DNAH17: variants seen among roughly 807,000 people sequenced by gnomAD.
The protein encoded by DNAH17 is axonemal beta dynein heavy chain 17.
In DNAH17, 376 loss-of-function variants were observed where a neutral mutation model predicts 485.6. The observed-to-expected ratio is 0.77, with a 90% CI of 0.71 to 0.84. DNAH17 has a LOEUF of 0.84. DNAH17 is among the 40% of genes least tolerant of loss of function. The pLI is 0.00. For synonymous variants in DNAH17, 3,031 were observed against 2,405.9 expected (o/e 1.26, Z -7.60); for missense variants, 6,370 against 5,839.3 (o/e 1.09, Z -2.96).
At chr17:78,535,738 G>T (rs1408153626) in intron 19 of DNAH17, among the ~76,000 whole-genome samples, 1 of 151,972 alleles carries the variant, frequency 6.6e-6, no homozygotes, top group Non-Finnish European at 1.5e-5. Flanking sequence ...ATTTTTGCTT[G>T]TTTAAGCAAA....
At chr17:78,568,396 T>TC (rs1409959481) in intron 9 of DNAH17, among the ~76,000 whole-genome samples, 1 of 152,208 alleles carries the variant, frequency 6.6e-6, no homozygotes, top group East Asian at 1.9e-4. Flanking sequence ...GACAATGGTG[T>TC]CCACCCTTAA....
At chr17:78,552,923 C>T (rs936590083) in intron 14 of DNAH17, 118 bp from the exon 15 acceptor site, 1 of 722,856 alleles carries the variant, frequency 1.4e-6, no homozygotes, top group East Asian at 2.5e-5. Flanking sequence ...TGTCCCCACT[C>T]AGGTCTCATG....
chr17:78,549,900 G>A (rs893953767), intron 16 of DNAH17, among the ~76,000 whole-genome samples: 1 of 152,238 alleles, frequency 6.6e-6, no homozygotes, highest in African/African-American at 2.4e-5. Context: ...TGAACGGCCT[G>A]GTTTCTGGAT....
intron 21 of DNAH17, 138 bp downstream of exon 21, chr17:78,530,205 G>A: frequency 1.0e-6 from 1 of 1,003,606 alleles, no homozygotes; most frequent in Non-Finnish European, 1.4e-6. Flanking sequence ...TGGTGGGGTA[G>A]TTGGCCTTGA....
intron 30 of DNAH17, 46 bp downstream of exon 30, chr17:78,506,673 TG>T: frequency 6.2e-7 from 1 of 1,612,284 alleles, no homozygotes; most frequent in African/African-American, 1.3e-5. Context: ...ACCTGGGGTC[TG>T]GCATGATGTT....
intron 55 of DNAH17, among the ~76,000 whole-genome samples, chr17:78,467,911 A>G (rs2088554649): frequency 6.6e-6 from 1 of 151,968 alleles, no homozygotes; most frequent in African/African-American, 2.4e-5. Flanking sequence ...CCAGCTACTC[A>G]GGAAGCTGAG....
chr17:78,560,865 G>A lies in DNAH17; in HGVS notation c.1906C>T (p.His636Tyr), dbSNP rs777018909. ...CACTGCTGGTAGATCTTCTCGCGGT[G>A]GCACCTCAGCAGCTCCATCATCTCG... ...YDEMMELLRC[H>Y]REKIYQQWVA... Residue 636 changes from histidine (H) to tyrosine (Y), a missense_variant, in exon 13 of 81, where the codon CAC becomes TAC. Physicochemically the swap from His to Tyr is moderately conservative, Grantham distance 83. Transcript: ENST00000389840. The A allele has an allele frequency of 2.6e-6, 4 of 1,551,752 alleles. No individual in the cohort carries two copies. Among genetic ancestry groups the A allele is most frequent in the South Asian group, 2.4e-5 (2 of 84,064 alleles).
At chr17:78,544,718 G>T (rs538800594) in intron 16 of DNAH17, among the ~76,000 whole-genome samples, 1 of 144,890 alleles carries the variant, frequency 6.9e-6, no homozygotes, top group Non-Finnish European at 1.5e-5. Context: ...GGAGAATGGC[G>T]TGAACCCGGG....
chr17:78,501,871 A>T lies in DNAH17; in HGVS notation c.5193T>A (p.Ile1731=). 6.2e-7 allele frequency: 1 copy of T among 1,614,014 alleles called. No homozygotes were observed. Among genetic ancestry groups the T allele is most frequent in the Non-Finnish European group, 8.5e-7 (1 of 1,179,890 alleles). ...NAIRDYNKKQ[I]SQLNVLITLL... is the part of the protein sequence containing the mutation. ...GCGTGATGAGTACGTTCAGCTGGCTAATCTGCGGGGGAGAGTGCCTTCGAT... is the reference window on the plus strand; with the variant it reads ...GCGTGATGAGTACGTTCAGCTGGCTTATCTGCGGGGGAGAGTGCCTTCGAT... Residue 1731 remains isoleucine, a splice_region_variant and synonymous_variant, in exon 34 of 81, where the codon ATT becomes ATA. Coordinates refer to ENST00000389840, the MANE Select transcript of DNAH17 (RefSeq NM_173628.4).
chr17:78,478,079 T>C (rs868728439), intron 51 of DNAH17, among the ~76,000 whole-genome samples: 1,023 of 57,000 alleles, frequency 0.018, 14 homozygotes, highest in African/African-American at 0.1. Flanking sequence ...ACCACCACCA[T>C]CATCACCATC....
At chr17:78,463,351 T>C (rs2088239489) in intron 56 of DNAH17, among the ~76,000 whole-genome samples, 1 of 152,156 alleles carries the variant, frequency 6.6e-6, no homozygotes. Flanking sequence ...CACACATGCA[T>C]ACACACACAC....
rs1456054777 is a variant in DNAH17 at position 78,459,202 on chromosome 17, G to A, written c.9660C>T (p.Tyr3220=). The A allele has an allele frequency of 6.2e-7, 1 of 1,613,788 alleles. No homozygotes were observed. Among genetic ancestry groups the A allele is most frequent in the East Asian group, 2.2e-5 (1 of 44,886 alleles). The change falls in exon 61 of 81, where the codon TAC becomes TAT. Residue 3220 remains tyrosine, a synonymous_variant. Transcript: ENST00000389840. ...CGGGGTCGAACGTCGGGTTGCCTTG[G>A]TAGGGCCTAGCGAGGGAACCAGAGG... ...PEACLKAFKP[Y]QGNPTFDPEF...
At chr17:78,502,099 T>C (rs966941704) in intron 33 of DNAH17, 5 of 573,070 alleles carry the variant, frequency 8.7e-6, no homozygotes, top group Non-Finnish European at 1.2e-5. Flanking sequence ...AGAAGGAAAT[T>C]CAAGGCCACG....
chr17:78,428,449 C>T (rs2086556915), intron 77 of DNAH17, 76 bp downstream of exon 77: 1 of 1,521,310 alleles, frequency 6.6e-7, no homozygotes, highest in Non-Finnish European at 8.9e-7. Context: ...TGTACTGCCG[C>T]CAGTCCCTGT....
At chr17:78,432,966 T>C (rs1255039577) in intron 75 of DNAH17, among the ~76,000 whole-genome samples, 1 of 125,726 alleles carries the variant, frequency 8.0e-6, no homozygotes, top group Admixed American at 1.0e-4. Flanking sequence ...GCCCTGGGAG[T>C]CCTCCAACCC....
chr17:78,559,971 A>C (rs1278265518), intron 13 of DNAH17, among the ~76,000 whole-genome samples: 2 of 151,494 alleles, frequency 1.3e-5, no homozygotes, highest in Non-Finnish European at 2.9e-5. Context: ...CTCACATCTA[A>C]AATTGCACCT....
intron 20 of DNAH17, 64 bp downstream of exon 20, chr17:78,532,418 C>G: frequency 6.6e-7 from 1 of 1,523,436 alleles, no homozygotes; most frequent in Non-Finnish European, 8.8e-7. Flanking sequence ...TTAAAGCAAG[C>G]CTGGTGATCC....
intron 62 of DNAH17, 23 bp downstream of exon 62, chr17:78,458,542 T>G: frequency 6.3e-7 from 1 of 1,591,456 alleles, no homozygotes; most frequent in Non-Finnish European, 8.6e-7. Context: ...AGCAGGAGGG[T>G]GGTCTCGGGG....
intron 70 of DNAH17, among the ~76,000 whole-genome samples, chr17:78,445,118 G>A (rs1475460847): frequency 6.6e-6 from 1 of 151,378 alleles, no homozygotes; most frequent in Non-Finnish European, 1.5e-5. Context: ...AGGTCTTTTT[G>A]AACAGACCTT....
Sources: allele counts gnomAD v4.1 joint callset (sites outside exome capture counted in the v4.1 genomes callset), GRCh38; gene constraint gnomAD v4.1.1; transcripts MANE v1.5; gene names NCBI Gene and HGNC (gene_info 2026-07-23, HGNC 2026-07-21).